NXPH1: variants seen among roughly 807,000 people sequenced by gnomAD.
The protein encoded by NXPH1 is neurexophilin-1.
In NXPH1, 5 loss-of-function variants were observed where a neutral mutation model predicts 23.7. That is an observed-to-expected ratio of 0.21 (90% CI 0.11 to 0.44). The LOEUF (loss-of-function observed/expected upper bound fraction) is 0.44. Ranked by LOEUF, NXPH1 falls within the 20% of genes least tolerant of loss-of-function variation. The pLI is 0.99. For missense variants in NXPH1, 324 were observed against 321.6 expected, an observed-to-expected ratio of 1.01 and a Z score of -0.06; for synonymous variants, 144 against 122.2, an observed-to-expected ratio of 1.18 and a Z score of -1.18.
intron 2 of NXPH1, among the ~76,000 whole-genome samples, chr7:8,726,371 C>T (rs976882820): frequency 5.3e-5 from 8 of 149,994 alleles, no homozygotes; most frequent in Non-Finnish European, 1.0e-4. Context: ...TTTTAGGGTA[C>T]GTGTGCACAA....
chr7:8,649,404 A>C (rs1240127433), intron 2 of NXPH1, among the ~76,000 whole-genome samples: 1 of 152,160 alleles, frequency 6.6e-6, no homozygotes, highest in Non-Finnish European at 1.5e-5. Context: ...CTTTACAAAC[A>C]TGAAAATCAC....
At chr7:8,480,818 C>T (rs1280711596) in intron 2 of NXPH1, among the ~76,000 whole-genome samples, 1 of 152,124 alleles carries the variant, frequency 6.6e-6, no homozygotes, top group African/African-American at 2.4e-5. Flanking sequence ...CCAAGCAATC[C>T]TGGAAATTAA....
chr7:8,617,173 A>G (rs781639137), intron 2 of NXPH1, among the ~76,000 whole-genome samples: 2 of 152,122 alleles, frequency 1.3e-5, no homozygotes, highest in East Asian at 1.9e-4. Flanking sequence ...ACACTCTCCA[A>G]TTATCCAGTC....
At chr7:8,450,320 T>C (rs1816483563) in intron 2 of NXPH1, among the ~76,000 whole-genome samples, 1 of 152,232 alleles carries the variant, frequency 6.6e-6, no homozygotes, top group Admixed American at 6.5e-5. Context: ...GATGCAAATC[T>C]ACACTCTTTT....
intron 2 of NXPH1, among the ~76,000 whole-genome samples, chr7:8,741,065 A>G (rs948982913): frequency 2.0e-5 from 3 of 152,144 alleles, no homozygotes; most frequent in African/African-American, 7.2e-5. Context: ...TCCATTCCCC[A>G]GCCTCTGGCA....
intron 2 of NXPH1, among the ~76,000 whole-genome samples, chr7:8,579,115 C>T (rs750783821): frequency 1.1e-4 from 16 of 152,276 alleles, no homozygotes; most frequent in African/African-American, 2.4e-4. Context: ...TGCAAGGCTG[C>T]GTGTGGCTGA....
intron 2 of NXPH1, among the ~76,000 whole-genome samples, chr7:8,574,503 GA>G (rs988659065): frequency 6.6e-6 from 1 of 152,020 alleles, no homozygotes. Context: ...CTTTCTGAAG[GA>G]AAAAGATGGA....
intron 2 of NXPH1, among the ~76,000 whole-genome samples, chr7:8,694,725 C>T (rs1013414579): frequency 6.6e-5 from 10 of 151,990 alleles, no homozygotes; most frequent in African/African-American, 2.2e-4. Flanking sequence ...CTTTCTATGC[C>T]AACCTCTTTC....
At chr7:8,673,531 A>T (rs1820900902) in intron 2 of NXPH1, among the ~76,000 whole-genome samples, 1 of 152,302 alleles carries the variant, frequency 6.6e-6, no homozygotes, top group Non-Finnish European at 1.5e-5. Context: ...AGTTAAGTGC[A>T]GTGCTGGGTT....
At chr7:8,718,344 C>T (rs1683916126) in intron 2 of NXPH1, among the ~76,000 whole-genome samples, 2 of 152,170 alleles carry the variant, frequency 1.3e-5, no homozygotes, top group South Asian at 4.1e-4. Context: ...AGCAGTGTAG[C>T]ACCTGAGCAA....
At chr7:8,543,779 G>C (rs1192604153) in intron 2 of NXPH1, among the ~76,000 whole-genome samples, 1 of 151,552 alleles carries the variant, frequency 6.6e-6, no homozygotes, top group Non-Finnish European at 1.5e-5. Flanking sequence ...ACGTAGTACA[G>C]TTAAACATTT....
At chr7:8,676,418 C>G (rs1820954143) in intron 2 of NXPH1, among the ~76,000 whole-genome samples, 1 of 152,134 alleles carries the variant, frequency 6.6e-6, no homozygotes, top group Non-Finnish European at 1.5e-5. Flanking sequence ...CCAAATCAGG[C>G]CTCATCTATG....
intron 2 of NXPH1, among the ~76,000 whole-genome samples, chr7:8,547,044 T>G (rs572338396): frequency 6.6e-6 from 1 of 151,360 alleles, no homozygotes; most frequent in Non-Finnish European, 1.5e-5. Context: ...CCTCCTAAAC[T>G]GAGATGGTTA....
intron 2 of NXPH1, among the ~76,000 whole-genome samples, chr7:8,452,919 C>G (rs1004123598): frequency 6.6e-6 from 1 of 152,096 alleles, no homozygotes; most frequent in South Asian, 2.1e-4. Context: ...CAGATTGCTA[C>G]TTCTGACAGC....
intron 2 of NXPH1, among the ~76,000 whole-genome samples, chr7:8,523,340 T>C (rs1817804995): frequency 6.6e-6 from 1 of 152,222 alleles, no homozygotes. Flanking sequence ...ATATTGAAGC[T>C]GGGGTCCCCC....
chr7:8,683,395 G>A (rs563499830), intron 2 of NXPH1, among the ~76,000 whole-genome samples: 20 of 152,056 alleles, frequency 1.3e-4, no homozygotes, highest in Admixed American at 2.6e-4. Flanking sequence ...ACTCCTTAGT[G>A]TCTTAGAAAA....
intron 2 of NXPH1, among the ~76,000 whole-genome samples, chr7:8,710,467 A>G (rs1278608426): frequency 6.6e-6 from 1 of 152,116 alleles, no homozygotes; most frequent in Non-Finnish European, 1.5e-5. Context: ...TTTACATTTT[A>G]AAGAAGCATT....
intron 2 of NXPH1, among the ~76,000 whole-genome samples, chr7:8,474,849 C>T (rs1035698989): frequency 2.6e-5 from 4 of 152,124 alleles, no homozygotes; most frequent in Admixed American, 1.3e-4. Context: ...TCTTCCCTCT[C>T]ACCTGGAATT....
chr7:8,638,562 G>A (rs539470944), intron 2 of NXPH1, among the ~76,000 whole-genome samples: 5 of 152,148 alleles, frequency 3.3e-5, no homozygotes, highest in Non-Finnish European at 4.4e-5. Flanking sequence ...CCTTATTTAA[G>A]GATTGATTGT....
Sources: gnomAD v4.1 joint callset for allele counts (sites outside exome capture counted in the v4.1 genomes callset) on GRCh38, gnomAD v4.1.1 for gene constraint, MANE v1.5 for transcripts, NCBI Gene and HGNC (gene_info 2026-07-23, HGNC 2026-07-21) for gene names.